IFFO1: variants seen among roughly 807,000 people sequenced by gnomAD.
The protein encoded by IFFO1 is intermediate filament family orphan 1, also known as non-homologous end joining factor IFFO1.
A neutral mutation model predicts 59.6 loss-of-function variants in IFFO1; 42 were observed. The ratio of observed to expected loss-of-function variants is 0.70; its 90% confidence interval spans 0.55 to 0.91. IFFO1 has a LOEUF of 0.91. Ranked by LOEUF, IFFO1 falls within the 40% of genes least tolerant of loss-of-function variation. The pLI, the probability that IFFO1 is intolerant of heterozygous loss-of-function variation, is 0.00. For synonymous variants in IFFO1, 336 were observed against 342.8 expected (o/e 0.98, Z 0.22); for missense variants, 711 against 793.2 (o/e 0.90, Z 1.24).
In IFFO1 at chr12:6,549,286, A is replaced by G. The variant is rs1018661918; in HGVS notation, c.1080+190T>C. 4.6e-6 allele frequency: 3 copies of G among 654,382 alleles called. No homozygotes were observed. Among genetic ancestry groups the G allele is most frequent in the Non-Finnish European group, 8.2e-6 (3 of 368,080 alleles). 40.5% of individuals were successfully genotyped at this position (654,382 alleles called of 1,614,324 possible). On this transcript the variant is annotated intron_variant, in intron 5 of 9. Coordinates refer to ENST00000619571, the MANE Select transcript of IFFO1 (RefSeq NM_001193457.2). This position sits in a 1 kb window ranked among gnomAD's most constrained non-coding sequence, Gnocchi z 5.0. ...TCCAGATCTGGAAAGCCGGGGGAGA[A>G]GGGAGAGAAAGAAATGCAGTCAAGA...
intron 8 of IFFO1, among the ~76,000 whole-genome samples, chr12:6,545,941 A>G (rs2136109977): frequency 6.6e-6 from 1 of 152,342 alleles, no homozygotes; most frequent in East Asian, 1.9e-4. Flanking sequence ...AAGCCAAAAT[A>G]TGCTCCCTTT....
Position 6,555,262 on chromosome 12 carries a change from C to A in IFFO1, c.768G>T (p.Lys256Asn), listed in dbSNP as rs753842365. The A allele has an allele frequency of 6.2e-7, 1 of 1,614,156 alleles. No individual in the cohort carries two copies. Among genetic ancestry groups the A allele is most frequent in the Non-Finnish European group, 8.5e-7 (1 of 1,180,000 alleles). The stretch of plus-strand genomic sequence containing the variant: ...CCCCCTTTCCCAATCCCTACCTCCG[C>A]TTGTACTCGTCCCGCTCCCGCTTCA... ...AKVKRERDEYKRRWEEEYTVR... is the reference protein window; with the variant it reads ...AKVKRERDEYNRRWEEEYTVR... The change falls in exon 1 of 10, where the codon AAG becomes AAT. Residue 256 changes from lysine (K) to asparagine (N), a missense_variant. Lys to Asn is a moderately conservative substitution (Grantham distance 94). Transcript: ENST00000619571. The surrounding 1 kb of genome is among the most constrained non-coding windows in gnomAD (Gnocchi z 8.6).
At chr12:6,551,543 C>G in intron 1 of IFFO1, 1 of 1,177,672 alleles carries the variant, frequency 8.5e-7, no homozygotes, top group Non-Finnish European at 1.1e-6. Context: ...GGGTCAAGAG[C>G]CTGGTAGGAG....
rs751042914 is a variant in IFFO1 at position 6,548,205 on chromosome 12, G to C, written c.1384-45C>G. The C allele has an allele frequency of 5.9e-6, 9 of 1,517,520 alleles. 1 individual carries two copies. In the South Asian group the frequency reaches 9.0e-5, roughly 15 times the overall value. The allele number at this position is 1,517,520 out of a possible 1,614,324, so 94.0% of individuals were successfully genotyped here. On this transcript the variant is annotated intron_variant, in intron 7 of 9. Transcript: ENST00000619571. The surrounding 1 kb of genome is among the most constrained non-coding windows in gnomAD (Gnocchi z 6.1). The stretch of plus-strand genomic sequence containing the variant: ...GGGGGAGGCCAGCCAAGGAGGGATG[G>C]GATGGGACGCATTCCAAAGGGCCAA...
In IFFO1 at chr12:6,540,550, G is replaced by A. The variant is rs139792267; in HGVS notation, c.1649C>T (p.Pro550Leu). ...CTCAGCCTCGCTTGGCGGCGGCGGC[G>A]GGTCGCTAAGCGGGACCGCAGTGAA... ...PAFTAVPLSDPPPPPSEAEDS... is the reference protein window; with the variant it reads ...PAFTAVPLSDLPPPPSEAEDS... The change falls in exon 10 of 10, where the codon CCG becomes CTG. Residue 550 changes from proline to leucine, a missense_variant. Pro to Leu is a moderately conservative substitution (Grantham distance 98, BLOSUM62 -3). Around this residue, in one of 3 missense-constraint regions of IFFO1, gnomAD observed 579 missense variants for 650.3 expected, o/e 0.89. Coordinates refer to ENST00000619571, the MANE Select transcript of IFFO1 (RefSeq NM_001193457.2). 2.4e-3 allele frequency: 3,902 copies of A among 1,613,978 alleles called. 37 individuals carry two copies. The Middle Eastern group carries it at 0.026, about 11-fold the overall frequency.
chr12:6,555,675 GGCCCC>G lies in IFFO1; in HGVS notation c.350_354del (p.Arg117ProfsTer157), dbSNP rs1947414283. On this transcript the variant is annotated frameshift_variant, in exon 1 of 10. Transcript: ENST00000619571. LOFTEE classifies it high-confidence loss of function. The surrounding 1 kb of genome is among the most constrained non-coding windows in gnomAD (Gnocchi z 8.6). ...TGCACTGCCTGGTCGCGACGACCCA[GGCCCC>G]GCCGGCCCTGCTTACCCTCCTCCAG... 6.2e-7 allele frequency: 1 copy of G among 1,607,462 alleles called. No homozygotes were observed. Among genetic ancestry groups the G allele is most frequent in the African/African-American group, 1.3e-5 (1 of 74,336 alleles).
chr12:6,551,001 C>A lies in IFFO1; in HGVS notation c.774G>T (p.Arg258Ser). Residue 258 changes from arginine (R) to serine (S), a missense_variant and splice_region_variant, in exon 2 of 10, where the codon AGG becomes AGT. Around this residue, in one of 3 missense-constraint regions of IFFO1, gnomAD observed 579 missense variants for 650.3 expected, o/e 0.89. Transcript: ENST00000619571. ...TCCGCACCGTGTACTCCTCTTCCCA[C>A]CTGACAGACATGGGAAGGGCGGAGA... Reference protein sequence around the residue: ...VKRERDEYKRRWEEEYTVRIQ... With the variant: ...VKRERDEYKRSWEEEYTVRIQ... The A allele has an allele frequency of 6.2e-7, 1 of 1,614,108 alleles. No individual in the cohort carries two copies.
At position 6,549,565 on chromosome 12, in the gene IFFO1, G is replaced by A. The variant is rs373316471; in HGVS notation, c.1072-81C>T. On this transcript the variant is annotated intron_variant, in intron 4 of 9. Coordinates refer to ENST00000619571, the MANE Select transcript of IFFO1 (RefSeq NM_001193457.2). The surrounding 1 kb of genome is among the most constrained non-coding windows in gnomAD (Gnocchi z 5.0). ...GGAGAGAGAGGGGGAAGGGAGAGACGGCGTTAGAGACAGCTTCCACGATGC... is the reference window on the plus strand; with the variant it reads ...GGAGAGAGAGGGGGAAGGGAGAGACAGCGTTAGAGACAGCTTCCACGATGC... 51 of 1,313,498 alleles carry A rather than the reference G, an allele frequency of 3.9e-5. No individual in the cohort carries two copies. In the Admixed American group the frequency reaches 3.9e-4, roughly 10 times the overall value. The allele number at this position is 1,313,498 out of a possible 1,614,324, so 81.4% of individuals were successfully genotyped here. A position where few individuals can be genotyped will look rare whatever the true frequency, so the allele number is the denominator to read the frequency against.
chr12:6,550,553 T>A, intron 3 of IFFO1, 142 bp downstream of exon 3: 1 of 584,254 alleles, frequency 1.7e-6, no homozygotes, highest in Non-Finnish European at 3.0e-6. Context: ...GAGTTAGGGG[T>A]GGCTAGGGGA....
In IFFO1 at chr12:6,548,210, G is replaced by A. The variant is rs559377309; in HGVS notation, c.1384-50C>T. ...AGGCCAGCCAAGGAGGGATGGGATG[G>A]GACGCATTCCAAAGGGCCAAGTCAG... On this transcript the variant is annotated intron_variant, in intron 7 of 9. Transcript: ENST00000619571. The surrounding 1 kb of genome is among the most constrained non-coding windows in gnomAD (Gnocchi z 6.1). 3.6e-5 allele frequency: 54 copies of A among 1,493,734 alleles called. No homozygotes were observed. The highest frequency in any genetic ancestry group is 8.4e-6 in the Non-Finnish European group (9 of 1,070,916). 92.5% of individuals were successfully genotyped at this position (1,493,734 alleles called of 1,614,324 possible).
At chr12:6,540,644 CG>C (rs1946666139) in intron 9 of IFFO1, 56 bp from the exon 10 acceptor site, 1 of 1,413,350 alleles carries the variant, frequency 7.1e-7, no homozygotes, top group African/African-American at 1.4e-5. Context: ...TGAAGACGGA[CG>C]GCACTCCTCC....
Position 6,540,454 on chromosome 12 carries a change from G to A in IFFO1, c.*29C>T. ...GCCTCGCTGAGCTCCCTGCTGCGAG[G>A]GCCTCGGGTGCAAGGGGGAGGCAGG... On this transcript the variant is annotated 3_prime_UTR_variant, in exon 10 of 10. Transcript: ENST00000619571. 1 of 1,554,544 alleles carries A rather than the reference G, an allele frequency of 6.4e-7. No individual in the cohort carries two copies. Among genetic ancestry groups the A allele is most frequent in the South Asian group, 1.1e-5 (1 of 89,972 alleles).
intron 8 of IFFO1, among the ~76,000 whole-genome samples, chr12:6,544,066 C>T (rs1252736139): frequency 1.3e-5 from 2 of 152,146 alleles, no homozygotes; most frequent in East Asian, 3.8e-4. Context: ...AGTGGAAAAA[C>T]TGTCTTCCAC....
At position 6,541,131 on chromosome 12, in the gene IFFO1, T is replaced by C. The variant is rs1946693042; in HGVS notation, c.1610+381A>G. On this transcript the variant is annotated intron_variant, in intron 9 of 9. Coordinates refer to ENST00000619571, the MANE Select transcript of IFFO1 (RefSeq NM_001193457.2). The surrounding 1 kb of genome is among the most constrained non-coding windows in gnomAD (Gnocchi z 4.8). ...TTTATGTCTATCTGCAGTATTTTTGTGATTTTTAAAAATTCACTTTCTTGT... is the reference window on the plus strand; with the variant it reads ...TTTATGTCTATCTGCAGTATTTTTGCGATTTTTAAAAATTCACTTTCTTGT... Among the ~76,000 whole-genome samples the C allele has an allele frequency of 6.6e-6, 1 of 152,226 alleles. No individual in the cohort carries two copies. The highest frequency in any genetic ancestry group is 1.5e-5 in the Non-Finnish European group (1 of 68,046).
In IFFO1 at chr12:6,548,364, G is replaced by C; in HGVS notation, c.1383+61C>G. The C allele has an allele frequency of 6.4e-7, 1 of 1,561,530 alleles. No homozygotes were observed. Among genetic ancestry groups the C allele is most frequent in the Non-Finnish European group, 8.7e-7 (1 of 1,150,296 alleles). ...GGACAGAGCAAGGAGAGGAGCGGGGGAGTGGGCTTCAGGCTGGAGAGGCAG... is the reference window on the plus strand; with the variant it reads ...GGACAGAGCAAGGAGAGGAGCGGGGCAGTGGGCTTCAGGCTGGAGAGGCAG... On this transcript the variant is annotated intron_variant, in intron 7 of 9. Transcript: ENST00000619571. This position sits in a 1 kb window ranked among gnomAD's most constrained non-coding sequence, Gnocchi z 6.1.
intron 8 of IFFO1, 150 bp downstream of exon 8, chr12:6,547,915 G>T: frequency 1.5e-6 from 1 of 679,376 alleles, no homozygotes; most frequent in Non-Finnish European, 2.7e-6. Flanking sequence ...GGTCTTCAGA[G>T]CCCACCAGGA....
chr12:6,548,275 G>T lies in IFFO1; in HGVS notation c.1384-115C>A. The T allele has an allele frequency of 7.4e-7, 1 of 1,354,050 alleles. No individual in the cohort carries two copies. Among genetic ancestry groups the T allele is most frequent in the Non-Finnish European group, 1.1e-6 (1 of 952,286 alleles). The allele number at this position is 1,354,050 out of a possible 1,614,324, so 83.9% of individuals were successfully genotyped here. A position where few individuals can be genotyped will look rare whatever the true frequency, so the allele number is the denominator to read the frequency against. On this transcript the variant is annotated intron_variant, in intron 7 of 9. Coordinates refer to ENST00000619571, the MANE Select transcript of IFFO1 (RefSeq NM_001193457.2). The surrounding 1 kb of genome is among the most constrained non-coding windows in gnomAD (Gnocchi z 6.1). ...AGGAAGTCTGGTTAAAGAAACTGGA[G>T]AAAGAAAAGCAAAAGGATAAAGGAA...
chr12:6,549,895 T>C lies in IFFO1; in HGVS notation c.932A>G (p.Asn311Ser). 3 of 1,613,442 alleles carry C rather than the reference T, an allele frequency of 1.9e-6. No homozygotes were observed. The highest frequency in any genetic ancestry group is 2.5e-6 in the Non-Finnish European group (3 of 1,179,518). The change falls in exon 4 of 10, where the codon AAC becomes AGC. Residue 311 changes from asparagine (N) to serine (S), a missense_variant and splice_region_variant. Physicochemically the swap from Asn to Ser is conservative, Grantham distance 46. Around this residue, in one of 3 missense-constraint regions of IFFO1, gnomAD observed 579 missense variants for 650.3 expected, o/e 0.89. Coordinates refer to ENST00000619571, the MANE Select transcript of IFFO1 (RefSeq NM_001193457.2). This position sits in a 1 kb window ranked among gnomAD's most constrained non-coding sequence, Gnocchi z 5.0. ...LVVFKGLMSN[N>S]LSELDTKIQE... ...GATCTTGGTGTCCAGCTCCGACAGG[T>C]TCTGTCCAGGGAGCCCAGGGAACAG... is the stretch of plus-strand genomic sequence containing the variant.
chr12:6,544,755 C>T (rs1273083097), intron 8 of IFFO1: 1 of 152,224 alleles, frequency 6.6e-6, no homozygotes, highest in East Asian at 1.9e-4. Flanking sequence ...GTTTCCCTTG[C>T]CATGTCTTTA....
Sources: allele counts gnomAD v4.1 joint callset (sites outside exome capture counted in the v4.1 genomes callset), GRCh38; gene constraint gnomAD v4.1.1; regional missense constraint gnomAD v4.1.1; non-coding constraint Gnocchi (gnomAD v3.1); transcripts MANE v1.5; gene names NCBI Gene and HGNC (gene_info 2026-07-23, HGNC 2026-07-21).